The following NEBL variants were observed in gnomAD, a reference collection of about 807,000 sequenced individuals.
NEBL encodes nebulette, also known as LIM and SH3 protein 2.
A neutral mutation model predicts 140.2 loss-of-function variants in NEBL; 122 were observed. That is an observed-to-expected ratio of 0.87 (90% CI 0.75 to 1.01). The LOEUF is 1.01. NEBL is among the 50% of genes least tolerant of loss of function. The pLI is 0.00. For missense variants in NEBL, 1,365 were observed against 1,231.3 expected, an observed-to-expected ratio of 1.11 and a Z score of -1.62; for synonymous variants, 436 against 398.9, an observed-to-expected ratio of 1.09 and a Z score of -1.11.
intron 3 of NEBL, among the ~76,000 whole-genome samples, chr10:20,992,839 G>A (rs1837519488): frequency 8.5e-6 from 1 of 117,274 alleles, no homozygotes; most frequent in Non-Finnish European, 1.6e-5. Context: ...GTGCAGTGGT[G>A]TGATCTCTGC....
intron 2 of NEBL, among the ~76,000 whole-genome samples, chr10:21,058,041 A>T (rs935402730): frequency 1.1e-4 from 16 of 152,148 alleles, no homozygotes; most frequent in Admixed American, 6.5e-4. Context: ...GGCAAATTTC[A>T]TGTCATTTTT....
At chr10:21,228,048 T>A (rs1284347429) in intron 3 of NEBL, among the ~76,000 whole-genome samples, 2 of 152,020 alleles carry the variant, frequency 1.3e-5, no homozygotes, top group Non-Finnish European at 2.9e-5. Context: ...TGTTCCCATA[T>A]GAAGGAGTAT....
At chr10:21,033,968 C>T (rs1162009902) in intron 2 of NEBL, among the ~76,000 whole-genome samples, 3 of 151,368 alleles carry the variant, frequency 2.0e-5, no homozygotes, top group African/African-American at 7.3e-5. Context: ...GACTTTGAGA[C>T]CAACCTGGGC....
At chr10:21,232,544 G>C (rs532073778) in intron 3 of NEBL, among the ~76,000 whole-genome samples, 1 of 152,188 alleles carries the variant, frequency 6.6e-6, no homozygotes, top group Admixed American at 6.5e-5. Context: ...GGGGATGCAG[G>C]GAGACAGTAA....
intron 4 of NEBL, among the ~76,000 whole-genome samples, chr10:20,918,817 C>T (rs947454848): frequency 6.6e-6 from 1 of 152,034 alleles, no homozygotes; most frequent in African/African-American, 2.4e-5. Flanking sequence ...CACCACTGCA[C>T]TCCAGCCTGG....
intron 3 of NEBL, among the ~76,000 whole-genome samples, chr10:21,017,457 C>T (rs1838600303): frequency 6.6e-6 from 1 of 152,088 alleles, no homozygotes; most frequent in Non-Finnish European, 1.5e-5. Context: ...CTTGGCGATC[C>T]CACAGATCTT....
At chr10:21,179,439 GAT>G (rs1314270781), upstream of NEBL, among the ~76,000 whole-genome samples, 1 of 152,042 alleles carries the variant, frequency 6.6e-6, no homozygotes, top group Non-Finnish European at 1.5e-5. Context: ...TCCATGTCCT[GAT>G]CATTTCATCC....
chr10:21,039,663 A>G (rs956194905), intron 2 of NEBL, among the ~76,000 whole-genome samples: 1 of 152,244 alleles, frequency 6.6e-6, no homozygotes, highest in Non-Finnish European at 1.5e-5. Flanking sequence ...TGGAGCCCAC[A>G]GTAAGAGATG....
intron 4 of NEBL, among the ~76,000 whole-genome samples, chr10:20,951,702 A>T (rs1333902627): frequency 6.6e-6 from 1 of 152,188 alleles, no homozygotes; most frequent in Admixed American, 6.5e-5. Context: ...CATTATAATT[A>T]TATGGCCTAA....
intron 2 of NEBL, among the ~76,000 whole-genome samples, chr10:20,896,293 A>G (rs1331250899): frequency 6.6e-6 from 1 of 151,684 alleles, no homozygotes; most frequent in African/African-American, 2.4e-5. Flanking sequence ...TACATATTTA[A>G]CATAAAATTA....
At chr10:20,878,181 G>C (rs988576649) in intron 5 of NEBL, among the ~76,000 whole-genome samples, 9 of 152,142 alleles carry the variant, frequency 5.9e-5, no homozygotes, top group Non-Finnish European at 1.3e-4. Flanking sequence ...ACAGTCACAT[G>C]AGCCCTCTCC....
At chr10:21,196,608 G>A (rs1407425853) in intron 3 of NEBL, among the ~76,000 whole-genome samples, 1 of 152,054 alleles carries the variant, frequency 6.6e-6, no homozygotes, top group Non-Finnish European at 1.5e-5. Context: ...GTCTCCCAAA[G>A]TGCTGGGATT....
chr10:20,983,021 T>A (rs1204897119), intron 3 of NEBL, among the ~76,000 whole-genome samples: 1 of 152,168 alleles, frequency 6.6e-6, no homozygotes, highest in African/African-American at 2.4e-5. Context: ...TCTTATAGGA[T>A]GGGTAGGGTA....
At chr10:20,797,382 A>T (rs144112897) in intron 26 of NEBL, among the ~76,000 whole-genome samples, 103 of 152,328 alleles carry the variant, frequency 6.8e-4, no homozygotes, top group African/African-American at 2.4e-3. Context: ...AGACAATACC[A>T]TCAATCCATA....
chr10:21,220,093 A>G (rs969064288), intron 3 of NEBL, among the ~76,000 whole-genome samples: 1 of 151,842 alleles, frequency 6.6e-6, no homozygotes. Flanking sequence ...TTGTATTTTT[A>G]GTAGAGGCAG....
At chr10:20,852,315 T>C (rs1842622468) in intron 10 of NEBL, among the ~76,000 whole-genome samples, 1 of 152,210 alleles carries the variant, frequency 6.6e-6, no homozygotes, top group African/African-American at 2.4e-5. Context: ...GAATTAACGG[T>C]TATTTTACAA....
intron 2 of NEBL, among the ~76,000 whole-genome samples, chr10:21,025,140 G>C (rs1432049042): frequency 2.0e-5 from 3 of 151,498 alleles, no homozygotes; most frequent in Non-Finnish European, 4.4e-5. Context: ...GATGTTCAAA[G>C]AGAATCAGGA....
chr10:21,285,119 G>A (rs531866636), intron 1 of NEBL, among the ~76,000 whole-genome samples: 89 of 152,304 alleles, frequency 5.8e-4, no homozygotes, highest in Middle Eastern at 3.4e-3. Context: ...TAAAGTTTAA[G>A]TTTGCATTGT....
At chr10:20,906,265 T>A (rs1848089843) in intron 4 of NEBL, among the ~76,000 whole-genome samples, 1 of 152,194 alleles carries the variant, frequency 6.6e-6, no homozygotes, top group African/African-American at 2.4e-5. Flanking sequence ...GTGATGTCAA[T>A]GTTCCTTCTC....
Sources: gnomAD v4.1 joint callset for allele counts (sites outside exome capture counted in the v4.1 genomes callset) on GRCh38, gnomAD v4.1.1 for gene constraint, MANE v1.5 for transcripts, NCBI Gene and HGNC (gene_info 2026-07-23, HGNC 2026-07-21) for gene names.